The following LUZP2 variants were observed in gnomAD, a reference collection of about 807,000 sequenced individuals.
LUZP2 encodes the protein leucine zipper protein 2.
Under a neutral mutation model 51.6 loss-of-function variants are expected in LUZP2, and 52 were observed. That is an observed-to-expected ratio of 1.01 (90% confidence interval 0.81 to 1.27). The LOEUF is 1.27. LUZP2 is among the 50% of genes most tolerant of loss of function. The probability of loss-of-function intolerance (pLI) is 0.00; values close to 1 mark genes in which losing one functional copy is unlikely to be tolerated. For synonymous variants in LUZP2, 154 were observed against 137.3 expected, an observed-to-expected ratio of 1.12 and a Z score of -0.85; for missense variants, 436 against 395.4, an observed-to-expected ratio of 1.10 and a Z score of -0.87.
intron 5 of LUZP2, among the ~76,000 whole-genome samples, chr11:24,834,078 C>A (rs80230339): frequency 0.16 from 24,739 of 151,778 alleles, 2,068 homozygotes; most frequent in South Asian, 0.22. Flanking sequence ...TTGTTTTTCC[C>A]TATATGGTAT....
intron 9 of LUZP2, among the ~76,000 whole-genome samples, chr11:25,029,435 A>G (rs1264715083): frequency 3.9e-5 from 6 of 152,174 alleles, no homozygotes; most frequent in Non-Finnish European, 8.8e-5. Flanking sequence ...TCTTTAAAAA[A>G]GAAATAAAGA....
chr11:24,879,650 C>T (rs750598439), intron 5 of LUZP2, among the ~76,000 whole-genome samples: 20 of 152,066 alleles, frequency 1.3e-4, no homozygotes, highest in Non-Finnish European at 2.4e-4. Context: ...GGTTTTGATT[C>T]GCATTTCTCT....
intron 1 of LUZP2, among the ~76,000 whole-genome samples, chr11:24,695,373 T>C (rs1463342479): frequency 6.6e-6 from 1 of 152,012 alleles, no homozygotes; most frequent in African/African-American, 2.4e-5. Flanking sequence ...TGAGATACAG[T>C]GTGATGTTTT....
chr11:25,073,044 TAAAAAGGGGGTGGGC>T lies in LUZP2; in HGVS notation c.859-4284_859-4270del. ...CAGCACTTGACTTTTATACACACTT[TAAAAAGGGGGTGGGC>T]TAGCTTGAAGCAAGCTTACAGTTAC... On this transcript the variant is annotated intron_variant, in intron 10 of 11. Transcript: ENST00000336930. 3.9e-5 allele frequency among the ~76,000 whole-genome samples: 6 copies of T among 152,126 alleles called. 1 individual carries two copies. The Middle Eastern group carries it at 0.017, about 431-fold the overall frequency.
rs147476038 is a variant in LUZP2, at chr11:24,798,261, G to A, written c.396+34953G>A. Reference sequence around the variant, plus strand: ...AAGATGGGATCTCACTCTTTTGCCCGGGTTGGAGTTCAGTGGCAAGATCAT... The same window carrying A: ...AAGATGGGATCTCACTCTTTTGCCCAGGTTGGAGTTCAGTGGCAAGATCAT... On this transcript the variant is annotated intron_variant, in intron 5 of 11. Coordinates refer to ENST00000336930, the MANE Select transcript of LUZP2 (RefSeq NM_001009909.4). 9.9e-5 allele frequency among the ~76,000 whole-genome samples: 15 copies of A among 151,436 alleles called. No individual in the cohort carries two copies. The East Asian group carries it at 2.5e-3, about 26-fold the overall frequency.
intron 5 of LUZP2, among the ~76,000 whole-genome samples, chr11:24,815,941 T>A (rs1008122448): frequency 6.6e-6 from 1 of 151,886 alleles, no homozygotes; most frequent in African/African-American, 2.4e-5. Context: ...TGCTGAAGTC[T>A]CGATTCAGGA....
intron 1 of LUZP2, among the ~76,000 whole-genome samples, chr11:24,499,849 T>C (rs1849938029): frequency 6.6e-6 from 1 of 152,168 alleles, no homozygotes; most frequent in African/African-American, 2.4e-5. Context: ...CCAATAGGTC[T>C]GAAGTTCAGT....
intron 1 of LUZP2, among the ~76,000 whole-genome samples, chr11:24,547,982 A>G (rs1321871824): frequency 6.6e-6 from 1 of 152,142 alleles, no homozygotes; most frequent in Admixed American, 6.6e-5. Flanking sequence ...GAGAAGTGCA[A>G]ATTAATACCA....
chr11:24,575,847 C>A (rs1187196213), intron 1 of LUZP2, among the ~76,000 whole-genome samples: 1 of 151,978 alleles, frequency 6.6e-6, no homozygotes, highest in Non-Finnish European at 1.5e-5. Context: ...TGCTGCATCC[C>A]TTTTTATTTC....
chr11:24,609,716 C>G (rs1854051842), intron 1 of LUZP2, among the ~76,000 whole-genome samples: 1 of 99,546 alleles, frequency 1.0e-5, no homozygotes, highest in African/African-American at 4.2e-5. Flanking sequence ...GATGATAGAG[C>G]AAGACTCCAG....
intron 5 of LUZP2, among the ~76,000 whole-genome samples, chr11:24,830,889 T>G (rs2631495): frequency 0.16 from 23,798 of 151,676 alleles, 2,066 homozygotes; most frequent in African/African-American, 0.22. Flanking sequence ...AGCTACTTGG[T>G]AGGCTGAGGC....
intron 1 of LUZP2, among the ~76,000 whole-genome samples, chr11:24,619,226 A>G (rs1245164377): frequency 6.6e-6 from 1 of 151,966 alleles, no homozygotes; most frequent in Non-Finnish European, 1.5e-5. Flanking sequence ...TAGAGACAGT[A>G]TCTTGCTATG....
chr11:25,071,909 A>G (rs1451960420), intron 10 of LUZP2, among the ~76,000 whole-genome samples: 1 of 152,096 alleles, frequency 6.6e-6, no homozygotes, highest in Non-Finnish European at 1.5e-5. Flanking sequence ...CAATGGAAAG[A>G]AAAAAATGTA....
At chr11:24,682,539 G>GTATA (rs919936266) in intron 1 of LUZP2, among the ~76,000 whole-genome samples, 3 of 141,764 alleles carry the variant, frequency 2.1e-5, no homozygotes, top group African/African-American at 5.2e-5. Flanking sequence ...GGTTCAGTGT[G>GTATA]TATATGTATA....
chr11:24,591,815 G>A lies in LUZP2; in HGVS notation c.62+94510G>A, dbSNP rs77093762. Reference sequence around the variant, plus strand: ...CTGTGCTCTGAGAAAGAAAGTTATGGCATTCAATAAAATAAAAAGTAATAA... The same window carrying A: ...CTGTGCTCTGAGAAAGAAAGTTATGACATTCAATAAAATAAAAAGTAATAA... On this transcript the variant is annotated intron_variant, in intron 1 of 11. Transcript: ENST00000336930. Among the ~76,000 whole-genome samples, 1,433 of 152,246 alleles carry A rather than the reference G, an allele frequency of 9.4e-3. 15 individuals are homozygous for A. The highest frequency in any genetic ancestry group is 0.016 in the Non-Finnish European group (1,086 of 68,022).
At chr11:24,755,393 G>A (rs1301070575) in intron 4 of LUZP2, among the ~76,000 whole-genome samples, 5 of 151,994 alleles carry the variant, frequency 3.3e-5, no homozygotes, top group East Asian at 1.9e-4. Flanking sequence ...TCCCCTTTGC[G>A]GGTGGCTTTG....
At chr11:24,910,618 G>C (rs1315643870) in intron 6 of LUZP2, among the ~76,000 whole-genome samples, 1 of 152,230 alleles carries the variant, frequency 6.6e-6, no homozygotes, top group Non-Finnish European at 1.5e-5. Flanking sequence ...GCACACAGAA[G>C]TCAAGAATTG....
At chr11:24,978,717 A>C (rs1855945716) in intron 8 of LUZP2, among the ~76,000 whole-genome samples, 1 of 151,804 alleles carries the variant, frequency 6.6e-6, no homozygotes, top group Non-Finnish European at 1.5e-5. Flanking sequence ...CTGAGACATG[A>C]GGCAACAGAA....
intron 10 of LUZP2, among the ~76,000 whole-genome samples, chr11:25,060,445 C>T (rs1302814318): frequency 2.0e-5 from 3 of 152,108 alleles, no homozygotes; most frequent in Non-Finnish European, 4.4e-5. Context: ...ACGCCTTATC[C>T]CATTACCTTG....
Sources: gnomAD v4.1 joint callset for allele counts (sites outside exome capture counted in the v4.1 genomes callset) on GRCh38, gnomAD v4.1.1 for gene constraint, MANE v1.5 for transcripts, NCBI Gene and HGNC (gene_info 2026-07-23, HGNC 2026-07-21) for gene names.